The following RGS12 variants were observed in gnomAD, a reference collection of about 807,000 sequenced individuals.
The protein encoded by RGS12 is regulator of G protein signaling 12.
A neutral mutation model predicts 120.1 loss-of-function variants in RGS12; 66 were observed. That is an observed-to-expected ratio of 0.55 (90% CI 0.45 to 0.67). RGS12 has a LOEUF of 0.67. Among genes scored for constraint, RGS12 ranks in the 30% least tolerant of loss-of-function variants. The pLI, the probability that RGS12 is intolerant of heterozygous loss-of-function variation, is 0.00. For synonymous variants in RGS12, 827 were observed against 804.7 expected, an observed-to-expected ratio of 1.03 and a Z score of -0.47; for missense variants, 1,859 against 1,957.7, an observed-to-expected ratio of 0.95 and a Z score of 0.95.
Position 3,407,182 on chromosome 4 carries a change from C to G in RGS12, c.2021-6890C>G, listed in dbSNP as rs148508510. ...GGGGTTCCATCTGCAGTGTTTATGC[C>G]ACGTGCAGTCACCTAGCTGTGCTCG... On this transcript the variant is annotated intron_variant, in intron 4 of 17. Coordinates refer to ENST00000336727, the MANE Select transcript of RGS12 (RefSeq NM_001394154.1). Among the ~76,000 whole-genome samples the G allele has an allele frequency of 6.3e-4, 96 of 152,264 alleles. 1 individual carries two copies. The highest frequency in any genetic ancestry group is 2.2e-3 in the African/African-American group (90 of 41,552).
chr4:3,318,172 T>A, intron 2 of RGS12, 121 bp downstream of exon 2: 6 of 841,038 alleles, frequency 7.1e-6, no homozygotes, highest in Non-Finnish European at 9.2e-6. Flanking sequence ...CCCTGTGGCC[T>A]CTGTGGCCAT....
At chr4:3,384,221 C>T (rs901543212) in intron 3 of RGS12, among the ~76,000 whole-genome samples, 2 of 152,164 alleles carry the variant, frequency 1.3e-5, no homozygotes, top group African/African-American at 4.8e-5. Context: ...GTGGCACGAT[C>T]TCGGCTCATT....
At chr4:3,391,420 C>G (rs1004464779) in intron 4 of RGS12, among the ~76,000 whole-genome samples, 4 of 152,154 alleles carry the variant, frequency 2.6e-5, no homozygotes, top group African/African-American at 9.7e-5. Context: ...GGTAATAAAA[C>G]CACTAACTGC....
chr4:3,316,586 A>G lies in RGS12; in HGVS notation c.416A>G (p.Glu139Gly). ...LGINRAERVVEEMQSGGIFNM... is the reference protein window; with the variant it reads ...LGINRAERVVGEMQSGGIFNM... ...ATAAACAGAGCAGAGCGAGTCGTGG[A>G]GGAAATGCAGTCTGGTGGAATTTTC... Residue 139 changes from glutamate (E) to glycine (G), a missense_variant, in exon 2 of 18, where the codon GAG (glutamate) becomes GGG (glycine). This residue lies in a region of RGS12 where 967 missense variants were observed against 994.2 expected (regional missense o/e 0.97). Coordinates refer to ENST00000336727, the MANE Select transcript of RGS12 (RefSeq NM_001394154.1). 1 of 1,614,176 alleles carries G rather than the reference A, an allele frequency of 6.2e-7. No homozygotes were observed. The highest frequency in any genetic ancestry group is 8.5e-7 in the Non-Finnish European group (1 of 1,180,040).
In RGS12 at chr4:3,317,041, G is replaced by T; in HGVS notation, c.871G>T (p.Val291Leu). 6.2e-7 allele frequency: 1 copy of T among 1,613,682 alleles called. No individual in the cohort carries two copies. Among genetic ancestry groups the T allele is most frequent in the Non-Finnish European group, 8.5e-7 (1 of 1,180,044 alleles). Residue 291 changes from valine to leucine, a missense_variant, in exon 2 of 18, where the codon GTG (valine) becomes TTG (leucine). This residue lies in a region of RGS12 where 967 missense variants were observed against 994.2 expected (regional missense o/e 0.97). Coordinates refer to ENST00000336727, the MANE Select transcript of RGS12 (RefSeq NM_001394154.1). ...GCTGAGCACTGACAAGGCTGGAGTCGTGGCCGAGTACCCGGCCGAGAAGCT... is the reference window on the plus strand; with the variant it reads ...GCTGAGCACTGACAAGGCTGGAGTCTTGGCCGAGTACCCGGCCGAGAAGCT... ...VQLSTDKAGV[V>L]AEYPAEKLAF...
intron 14 of RGS12, among the ~76,000 whole-genome samples, chr4:3,425,794 T>C (rs1410559280): frequency 6.2e-5 from 1 of 16,234 alleles, no homozygotes. Context: ...GCGGGGCCAG[T>C]GCAGGGGAGG....
At chr4:3,305,104 C>T (rs1428303090) in intron 1 of RGS12, among the ~76,000 whole-genome samples, 1 of 152,246 alleles carries the variant, frequency 6.6e-6, no homozygotes, top group African/African-American at 2.4e-5. Flanking sequence ...TTCCTTGTCA[C>T]GTGGGCGGCT....
Position 3,423,654 on chromosome 4 carries a change from C to G in RGS12, c.3234+13C>G. The G allele has an allele frequency of 1.3e-6, 2 of 1,598,854 alleles. No individual in the cohort carries two copies. The highest frequency in any genetic ancestry group is 1.1e-5 in the South Asian group (1 of 90,874). On this transcript the variant is annotated intron_variant, in intron 13 of 17. Transcript: ENST00000336727. ...GCTGGTGAGGCTGGTGAGTGTTGCA[C>G]GGGGCCCGGGCGTCGTCACCGCAGG... is the stretch of plus-strand genomic sequence containing the variant.
chr4:3,428,782 C>G (rs1223961561), intron 16 of RGS12, 71 bp downstream of exon 16: 2 of 1,323,514 alleles, frequency 1.5e-6, no homozygotes, highest in African/African-American at 3.0e-5. Flanking sequence ...GTCAGTAGAT[C>G]TGCTTTGAGC....
intron 13 of RGS12, 156 bp downstream of exon 13, chr4:3,423,797 C>T (rs1723301222): frequency 3.4e-6 from 3 of 885,532 alleles, no homozygotes; most frequent in Non-Finnish European, 5.0e-6. Context: ...CCTCTGCCAT[C>T]CCCAGTTCTC....
chr4:3,398,636 T>A (rs1321492137), intron 4 of RGS12, among the ~76,000 whole-genome samples: 7 of 151,982 alleles, frequency 4.6e-5, no homozygotes, highest in Non-Finnish European at 1.0e-4. Flanking sequence ...AAAAGTAGCA[T>A]GAGATTTGCA....
At chr4:3,323,253 A>G (rs1000195110) in intron 2 of RGS12, among the ~76,000 whole-genome samples, 4 of 152,200 alleles carry the variant, frequency 2.6e-5, no homozygotes, top group Non-Finnish European at 4.4e-5. Flanking sequence ...CTTGCGGTGC[A>G]GTGTGTTGGT....
chr4:3,372,786 A>G lies in RGS12; in HGVS notation c.1999-13630A>G, dbSNP rs1375375414. 2.0e-5 allele frequency among the ~76,000 whole-genome samples: 3 copies of G among 151,494 alleles called. No individual in the cohort carries two copies. The highest frequency in any genetic ancestry group is 2.1e-4 in the South Asian group (1 of 4,754). On this transcript the variant is annotated intron_variant, in intron 3 of 17. Coordinates refer to ENST00000336727, the MANE Select transcript of RGS12 (RefSeq NM_001394154.1). This position sits in a 1 kb window ranked among gnomAD's most constrained non-coding sequence, Gnocchi z 4.3. ...TAGATTTGTCTTCATTTCTCTCAGC[A>G]CGGGGTTGTCTTCAGGCTGCCAGAG...
At chr4:3,406,787 G>A (rs1721180608) in intron 4 of RGS12, among the ~76,000 whole-genome samples, 2 of 152,210 alleles carry the variant, frequency 1.3e-5, no homozygotes, top group African/African-American at 4.8e-5. Context: ...ACCCCACCTC[G>A]GAAAGGGACC....
rs145100319 is a variant in RGS12, at chr4:3,294,768, C to T, written c.-102+1669C>T. Among the ~76,000 whole-genome samples, 842 of 152,328 alleles carry T rather than the reference C, an allele frequency of 5.5e-3. 4 individuals carry two copies. The highest frequency in any genetic ancestry group is 8.7e-3 in the Non-Finnish European group (592 of 68,034). On this transcript the variant is annotated intron_variant, in intron 1 of 17. Transcript: ENST00000336727. The stretch of plus-strand genomic sequence containing the variant: ...CCATCAGACAGGCTTACAGTTCTAG[C>T]CCTGGTAACTGCAATGATGCGGATG...
At chr4:3,362,076 C>T (rs555803722) in intron 3 of RGS12, among the ~76,000 whole-genome samples, 9 of 152,198 alleles carry the variant, frequency 5.9e-5, no homozygotes, top group South Asian at 2.1e-4. Flanking sequence ...GGCGGCCGTC[C>T]GCTGTGGATG....
rs546947414 is a variant in RGS12 at position 3,428,299 on chromosome 4, G to T, written c.3411+130G>T. 42 of 929,782 alleles carry T rather than the reference G, an allele frequency of 4.5e-5. No individual in the cohort carries two copies. In the South Asian group the frequency reaches 5.2e-4, roughly 12 times the overall value. 57.6% of individuals were successfully genotyped at this position (929,782 alleles called of 1,614,324 possible). A position where few individuals can be genotyped will look rare whatever the true frequency, so the allele number is the denominator to read the frequency against. On this transcript the variant is annotated intron_variant, in intron 15 of 17. Coordinates refer to ENST00000336727, the MANE Select transcript of RGS12 (RefSeq NM_001394154.1). ...GTGTCTCCCCCACGCTCCTTGGCGG[G>T]GTCTCTCTCGTCCCTGCCGATGCCC...
At chr4:3,329,849 AG>A (rs1711647988) in intron 2 of RGS12, among the ~76,000 whole-genome samples, 2 of 142,332 alleles carry the variant, frequency 1.4e-5, no homozygotes, top group South Asian at 4.2e-4. Context: ...TTGAGGAAGG[AG>A]TAAGAGAAGG....
At chr4:3,336,496 T>C (rs1479996148) in intron 2 of RGS12, among the ~76,000 whole-genome samples, 2 of 152,250 alleles carry the variant, frequency 1.3e-5, no homozygotes, top group Admixed American at 1.3e-4. Flanking sequence ...ATCTGGTCTC[T>C]CTTTTAAGCT....
Sources: gnomAD v4.1 joint callset for allele counts (sites outside exome capture counted in the v4.1 genomes callset) on GRCh38, gnomAD v4.1.1 for gene constraint, gnomAD v4.1.1 regional missense constraint, Gnocchi (gnomAD v3.1) non-coding constraint, MANE v1.5 for transcripts, NCBI Gene and HGNC (gene_info 2026-07-23, HGNC 2026-07-21) for gene names.